CADM2: variants seen among roughly 807,000 people sequenced by gnomAD.
CADM2 encodes the protein cell adhesion molecule 2, also known as immunoglobulin superfamily member 4D.
CADM2 carries 12 observed loss-of-function variants against 49.8 expected under a neutral mutation model. That is an observed-to-expected ratio of 0.24 (90% CI 0.15 to 0.39). CADM2 has a LOEUF of 0.39. Among genes scored for constraint, CADM2 ranks in the 10% least tolerant of loss-of-function variants. The pLI, the probability that CADM2 is intolerant of heterozygous loss-of-function variation, is 1.00. For synonymous variants in CADM2, 214 were observed against 175.4 expected (o/e 1.22, Z -1.74); for missense variants, 378 against 492.3 (o/e 0.77, Z 2.20).
intron 1 of CADM2, among the ~76,000 whole-genome samples, chr3:85,564,781 G>A (rs2062205906): frequency 6.6e-6 from 1 of 151,902 alleles, no homozygotes. Flanking sequence ...TAATACAAGA[G>A]GTGTACTGAT....
At chr3:85,125,541 G>T (rs935244087) in intron 1 of CADM2, among the ~76,000 whole-genome samples, 3 of 151,958 alleles carry the variant, frequency 2.0e-5, no homozygotes, top group African/African-American at 7.3e-5. Flanking sequence ...TCTATTTTTC[G>T]TAGAGACAGG....
intron 1 of CADM2, among the ~76,000 whole-genome samples, chr3:85,227,964 C>T (rs1313259033): frequency 6.6e-6 from 1 of 152,112 alleles, no homozygotes; most frequent in Non-Finnish European, 1.5e-5. Flanking sequence ...AATATTGGCC[C>T]CCATTCTCTT....
intron 1 of CADM2, among the ~76,000 whole-genome samples, chr3:85,114,654 C>T (rs1171520351): frequency 6.6e-6 from 1 of 152,104 alleles, no homozygotes; most frequent in East Asian, 1.9e-4. Flanking sequence ...CAGTGAGCAT[C>T]AGATCTGGTG....
intron 1 of CADM2, among the ~76,000 whole-genome samples, chr3:85,567,132 C>A (rs2062289094): frequency 6.6e-6 from 1 of 152,098 alleles, no homozygotes; most frequent in African/African-American, 2.4e-5. Flanking sequence ...TTTCACAGGC[C>A]AGTGTTGACA....
intron 2 of CADM2, among the ~76,000 whole-genome samples, chr3:85,798,998 G>A (rs1559664848): frequency 6.6e-6 from 1 of 152,106 alleles, no homozygotes; most frequent in Non-Finnish European, 1.5e-5. Flanking sequence ...TCCCTTGTAA[G>A]TTGTATTTCT....
chr3:85,448,319 C>T lies in CADM2; in HGVS notation c.62-278203C>T, dbSNP rs955715368. Among the ~76,000 whole-genome samples the T allele has an allele frequency of 8.3e-5, 9 of 108,856 alleles. No homozygotes were observed. In the South Asian group the frequency reaches 1.0e-3, roughly 12 times the overall value. 71.4% of individuals were successfully genotyped at this position (108,856 alleles called of 152,430 possible). On this transcript the variant is annotated intron_variant, in intron 1 of 9. Transcript: ENST00000383699. Reference sequence around the variant, plus strand: ...CTGCACTCCAGCCTGGGCGACAGAGCAAGATTCCGTCTCAAAAAAAAAAAA... The same window carrying T: ...CTGCACTCCAGCCTGGGCGACAGAGTAAGATTCCGTCTCAAAAAAAAAAAA...
intron 1 of CADM2, among the ~76,000 whole-genome samples, chr3:85,690,446 T>A (rs2066347103): frequency 6.6e-6 from 1 of 151,366 alleles, no homozygotes; most frequent in African/African-American, 2.4e-5. Context: ...TCCTATAAGA[T>A]TCAAAATGAT....
At chr3:85,059,328 AAC>A (rs1016592029) in intron 1 of CADM2, among the ~76,000 whole-genome samples, 22 of 151,922 alleles carry the variant, frequency 1.4e-4, no homozygotes, top group Admixed American at 1.4e-3. Context: ...TAAAAAAAAA[AAC>A]AACTATGCAT....
intron 1 of CADM2, among the ~76,000 whole-genome samples, chr3:85,680,755 AT>A (rs1482994958): frequency 6.6e-6 from 1 of 152,140 alleles, no homozygotes; most frequent in Non-Finnish European, 1.5e-5. Context: ...CATTCTCTTG[AT>A]TTCACAAACT....
chr3:85,290,640 T>C (rs964734142), intron 1 of CADM2, among the ~76,000 whole-genome samples: 8 of 152,214 alleles, frequency 5.3e-5, no homozygotes, highest in Admixed American at 1.3e-4. Context: ...CCTTGACCCC[T>C]GAGCTGCCTA....
At position 85,234,224 on chromosome 3, in the gene CADM2, C is replaced by T. The variant is rs561609788; in HGVS notation, c.61+274556C>T. On this transcript the variant is annotated intron_variant, in intron 1 of 9. Coordinates refer to ENST00000383699, the MANE Select transcript of CADM2 (RefSeq NM_001167675.2). ...ACTATATCATGCTACCTTCCACCAG[C>T]TACCATTTCAACTTATTTTTGTCCC... is the stretch of plus-strand genomic sequence containing the variant. Among the ~76,000 whole-genome samples, 102 of 152,186 alleles carry T rather than the reference C, an allele frequency of 6.7e-4. No homozygotes were observed. In the South Asian group the frequency reaches 0.019, roughly 29 times the overall value.
chr3:85,487,963 T>C (rs2039500289), intron 1 of CADM2, among the ~76,000 whole-genome samples: 1 of 152,166 alleles, frequency 6.6e-6, no homozygotes. Context: ...TTACAATAGA[T>C]ATAACATTTA....
intron 1 of CADM2, among the ~76,000 whole-genome samples, chr3:85,216,346 T>C (rs905501035): frequency 4.8e-5 from 7 of 147,234 alleles, no homozygotes; most frequent in African/African-American, 2.5e-5. Flanking sequence ...ATAAATATAT[T>C]ATTATATTAA....
chr3:85,940,477 A>T (rs1721757783), intron 7 of CADM2, among the ~76,000 whole-genome samples: 1 of 152,168 alleles, frequency 6.6e-6, no homozygotes, highest in Non-Finnish European at 1.5e-5. Context: ...TAAACTACGA[A>T]TCAAAGAAAG....
At chr3:84,986,254 C>A (rs893773955) in intron 1 of CADM2, among the ~76,000 whole-genome samples, 2 of 152,236 alleles carry the variant, frequency 1.3e-5, no homozygotes, top group East Asian at 3.9e-4. Flanking sequence ...TGTGACTCGA[C>A]TTGCTGAATA....
At chr3:85,723,962 T>G (rs945731004) in intron 1 of CADM2, among the ~76,000 whole-genome samples, 1 of 151,962 alleles carries the variant, frequency 6.6e-6, no homozygotes, top group Non-Finnish European at 1.5e-5. Context: ...TTGTAATCTT[T>G]CCTTTGAAAT....
intron 1 of CADM2, among the ~76,000 whole-genome samples, chr3:85,527,886 G>A (rs963301113): frequency 6.6e-6 from 1 of 152,086 alleles, no homozygotes; most frequent in South Asian, 2.1e-4. Flanking sequence ...AGTATTTTAT[G>A]CTCTTTTAGT....
At chr3:85,123,812 T>G (rs1203185685) in intron 1 of CADM2, among the ~76,000 whole-genome samples, 2 of 152,218 alleles carry the variant, frequency 1.3e-5, no homozygotes, top group Non-Finnish European at 2.9e-5. Flanking sequence ...CATGTGATTA[T>G]TTGTTTGGAC....
intron 8 of CADM2, among the ~76,000 whole-genome samples, chr3:86,031,451 T>C (rs1401989422): frequency 6.6e-6 from 1 of 151,846 alleles, no homozygotes; most frequent in African/African-American, 2.4e-5. Context: ...TTTCATGGTG[T>C]TTTCAAATTT....
Sources: allele counts gnomAD v4.1 joint callset (sites outside exome capture counted in the v4.1 genomes callset), GRCh38; gene constraint gnomAD v4.1.1; transcripts MANE v1.5; gene names NCBI Gene and HGNC (gene_info 2026-07-23, HGNC 2026-07-21).